The following RGS7 variants were observed in gnomAD, a reference collection of about 807,000 sequenced individuals.
RGS7 encodes the protein regulator of G protein signaling 7, also known as regulator of G-protein signaling 7.
A neutral mutation model predicts 81.1 loss-of-function variants in RGS7; 27 were observed. The observed-to-expected ratio is 0.33, with a 90% CI of 0.25 to 0.46. The LOEUF is 0.46. Ranked by LOEUF, RGS7 falls within the 20% of genes least tolerant of loss-of-function variation. RGS7 has a pLI of 1.00. For synonymous variants in RGS7, 208 were observed against 207.7 expected (o/e 1.00, Z -0.01); for missense variants, 396 against 607.4 (o/e 0.65, Z 3.66).
chr1:240,909,406 C>T (rs1671359338), intron 6 of RGS7, among the ~76,000 whole-genome samples: 1 of 152,094 alleles, frequency 6.6e-6, no homozygotes, highest in Admixed American at 6.5e-5. Flanking sequence ...ATATTCCCAC[C>T]CCTAGTCTAC....
At chr1:241,248,373 TATATGTATATATACATACATAC>T (rs1402806312) in intron 2 of RGS7, among the ~76,000 whole-genome samples, 12 of 148,130 alleles carry the variant, frequency 8.1e-5, no homozygotes, top group East Asian at 5.9e-4. Flanking sequence ...TATACGTATA[TATATGTATATATACATACATAC>T]ATATGTATAT....
intron 4 of RGS7, among the ~76,000 whole-genome samples, chr1:240,966,615 C>T (rs940927468): frequency 1.5e-4 from 23 of 152,160 alleles, no homozygotes; most frequent in African/African-American, 5.5e-4. Context: ...CCTGTTTAGG[C>T]TGATTCAGAA....
intron 4 of RGS7, among the ~76,000 whole-genome samples, chr1:240,970,654 A>T (rs1317127886): frequency 6.6e-6 from 1 of 152,162 alleles, no homozygotes; most frequent in African/African-American, 2.4e-5. Flanking sequence ...CCCAAGAGGC[A>T]AGAGGCCACC....
intron 9 of RGS7, among the ~76,000 whole-genome samples, chr1:240,843,784 G>C (rs1398047322): frequency 2.0e-5 from 3 of 152,164 alleles, no homozygotes; most frequent in East Asian, 1.9e-4. Flanking sequence ...TCAGGAAAGA[G>C]AAAATTCATT....
intron 3 of RGS7, among the ~76,000 whole-genome samples, chr1:241,003,322 G>T (rs996646232): frequency 3.3e-5 from 5 of 151,974 alleles, no homozygotes; most frequent in African/African-American, 1.2e-4. Context: ...TTAGCCGGGC[G>T]TCGTGGCAGG....
intron 2 of RGS7, among the ~76,000 whole-genome samples, chr1:241,177,537 G>A (rs1365892728): frequency 6.6e-6 from 1 of 152,174 alleles, no homozygotes; most frequent in African/African-American, 2.4e-5. Context: ...AAACAGTGAT[G>A]CGACTAGTGA....
chr1:240,859,437 C>A (rs1572453913), intron 9 of RGS7, among the ~76,000 whole-genome samples: 1 of 121,080 alleles, frequency 8.3e-6, no homozygotes, highest in Non-Finnish European at 1.7e-5. Flanking sequence ...TTCTTTCTTT[C>A]CTGTTTTTTT....
intron 9 of RGS7, among the ~76,000 whole-genome samples, chr1:240,859,282 G>A (rs770848739): frequency 2.6e-5 from 4 of 152,064 alleles, no homozygotes; most frequent in Non-Finnish European, 4.4e-5. Flanking sequence ...TTACAGGCAT[G>A]AGCCATCACT....
Position 240,806,022 on chromosome 1 carries a change from G to C in RGS7, c.1269+118C>G, listed in dbSNP as rs536780481. 5.9e-5 allele frequency: 52 copies of C among 885,800 alleles called. No individual in the cohort carries two copies. The South Asian group carries it at 6.6e-4, about 11-fold the overall frequency. 54.9% of individuals were successfully genotyped at this position (885,800 alleles called of 1,614,324 possible). A position where few individuals can be genotyped will look rare whatever the true frequency, so the allele number is the denominator to read the frequency against. ...CTAGATCAGTTAGAGTTATTTTACA[G>C]TTATCTAAATTGAAAATGTTAGAAA... On this transcript the variant is annotated intron_variant, in intron 15 of 18. Coordinates refer to ENST00000440928, the MANE Select transcript of RGS7 (RefSeq NM_001364886.1).
chr1:241,099,544 AC>A (rs1365576644), intron 2 of RGS7, among the ~76,000 whole-genome samples: 1 of 152,150 alleles, frequency 6.6e-6, no homozygotes, highest in African/African-American at 2.4e-5. Flanking sequence ...ACTCTCTTTT[AC>A]TTTTACAAAT....
intron 2 of RGS7, among the ~76,000 whole-genome samples, chr1:241,205,381 C>T (rs2073811316): frequency 6.6e-6 from 1 of 151,576 alleles, no homozygotes; most frequent in South Asian, 2.1e-4. Flanking sequence ...TAACCGACTG[C>T]ATTTGTCATC....
At chr1:240,942,714 C>T (rs1175641006) in intron 4 of RGS7, among the ~76,000 whole-genome samples, 1 of 152,098 alleles carries the variant, frequency 6.6e-6, no homozygotes, top group Non-Finnish European at 1.5e-5. Context: ...AGGTATTCAT[C>T]AGGACAATTC....
chr1:240,941,915 C>T (rs897375848), intron 4 of RGS7, among the ~76,000 whole-genome samples: 18 of 151,152 alleles, frequency 1.2e-4, no homozygotes, highest in South Asian at 2.1e-4. Flanking sequence ...GCAAAATAAT[C>T]GCTAATTAAT....
At chr1:241,042,559 A>G (rs529352553) in intron 3 of RGS7, among the ~76,000 whole-genome samples, 2 of 152,326 alleles carry the variant, frequency 1.3e-5, no homozygotes, top group African/African-American at 4.8e-5. Context: ...ATACATACAG[A>G]AAAAAAGGCA....
intron 9 of RGS7, among the ~76,000 whole-genome samples, chr1:240,847,234 A>G (rs1659259017): frequency 6.6e-6 from 1 of 152,214 alleles, no homozygotes; most frequent in Admixed American, 6.5e-5. Flanking sequence ...AACTTCAGCT[A>G]CCAATTACTG....
At chr1:240,964,553 T>C (rs189428102) in intron 4 of RGS7, among the ~76,000 whole-genome samples, 1 of 152,260 alleles carries the variant, frequency 6.6e-6, no homozygotes, top group Non-Finnish European at 1.5e-5. Flanking sequence ...GTTTTTGCTG[T>C]TGGTGTAATG....
intron 9 of RGS7, among the ~76,000 whole-genome samples, chr1:240,828,984 A>G (rs1268977815): frequency 6.6e-6 from 1 of 152,134 alleles, no homozygotes; most frequent in Non-Finnish European, 1.5e-5. Flanking sequence ...AGCTGATGTG[A>G]TTGGCAGACT....
At position 241,129,948 on chromosome 1, in the gene RGS7, A is replaced by T. The variant is rs56753569; in HGVS notation, c.79-31186T>A. Among the ~76,000 whole-genome samples the T allele has an allele frequency of 7.0e-4, 107 of 152,168 alleles. 1 individual carries two copies. In the East Asian group the frequency reaches 0.018, roughly 26 times the overall value. On this transcript the variant is annotated intron_variant, in intron 2 of 18. Transcript: ENST00000440928. The stretch of plus-strand genomic sequence containing the variant: ...CTTTTCAAGAATTCCTATTACTTCA[A>T]ATTAAAGATGTAACTGAGTGTCTTC...
At chr1:240,977,137 CACAT>C (rs1344550530) in intron 4 of RGS7, among the ~76,000 whole-genome samples, 2 of 135,148 alleles carry the variant, frequency 1.5e-5, no homozygotes, top group East Asian at 5.1e-4. Flanking sequence ...CACACACACA[CACAT>C]TGCTTTGTCC....
Sources: gnomAD v4.1 joint callset for allele counts (sites outside exome capture counted in the v4.1 genomes callset) on GRCh38, gnomAD v4.1.1 for gene constraint, MANE v1.5 for transcripts, NCBI Gene and HGNC (gene_info 2026-07-23, HGNC 2026-07-21) for gene names.